The following RNFT2 variants were observed in gnomAD, a reference collection of about 807,000 sequenced individuals.
RNFT2 encodes E3 ubiquitin-protein ligase RNFT2.
Under a neutral mutation model 53.0 loss-of-function variants are expected in RNFT2, and 36 were observed. The observed-to-expected ratio is 0.68, with a 90% confidence interval of 0.52 to 0.90. The LOEUF is 0.90. Ranked by LOEUF, RNFT2 falls within the 40% of genes least tolerant of loss-of-function variation. The pLI, the probability that RNFT2 is intolerant of heterozygous loss-of-function variation, is 0.00. For synonymous variants in RNFT2, 260 were observed against 253.2 expected, an observed-to-expected ratio of 1.03 and a Z score of -0.26; for missense variants, 514 against 585.6, an observed-to-expected ratio of 0.88 and a Z score of 1.26.
At chr12:116,768,099 CTTTTTTTT>C (rs528793630) in intron 6 of RNFT2, among the ~76,000 whole-genome samples, 1 of 131,976 alleles carries the variant, frequency 7.6e-6, no homozygotes, top group Non-Finnish European at 1.6e-5. Context: ...ACAGTTTGGC[CTTTTTTTT>C]TTTTTTTTGG....
At chr12:116,793,150 C>A (rs1219968129) in intron 7 of RNFT2, among the ~76,000 whole-genome samples, 16 of 150,482 alleles carry the variant, frequency 1.1e-4, no homozygotes, top group Admixed American at 1.0e-3. Flanking sequence ...ACCTCAGCCC[C>A]AAAACCATCA....
intron 7 of RNFT2, among the ~76,000 whole-genome samples, chr12:116,806,745 CAA>C (rs59532955): frequency 5.4e-4 from 48 of 89,626 alleles, no homozygotes; most frequent in Middle Eastern, 7.5e-3. Flanking sequence ...GACCCTCTCT[CAA>C]AAAAAAAAAA....
At chr12:116,817,159 C>T (rs10850721) in intron 7 of RNFT2, among the ~76,000 whole-genome samples, 109,102 of 152,042 alleles carry the variant, frequency 0.72, 41,829 homozygotes, top group Non-Finnish European at 0.86. Flanking sequence ...TCTACAGGCA[C>T]GCACTACCAT....
At chr12:116,827,940 G>A (rs993922858) in intron 7 of RNFT2, among the ~76,000 whole-genome samples, 6 of 152,164 alleles carry the variant, frequency 3.9e-5, no homozygotes. Flanking sequence ...CTGTGCTCTT[G>A]ACCACCAAGC....
At position 116,852,282 on chromosome 12, in the gene RNFT2, A is replaced by G. The variant is rs561512450; in HGVS notation, c.*2834A>G. 7.1e-6 allele frequency: 9 copies of G among 1,260,866 alleles called. No homozygotes were observed. In the South Asian group the frequency reaches 1.8e-4, roughly 25 times the overall value. The allele number at this position is 1,260,866 out of a possible 1,614,324, so 78.1% of individuals were successfully genotyped here. A position where few individuals can be genotyped will look rare whatever the true frequency, so the allele number is the denominator to read the frequency against. ...CCCAGGAGAAATGGAGGAGCTTTGT[A>G]GCCACCTCGCTGTCAGCCAGTATTA... is the stretch of plus-strand genomic sequence containing the variant. On this transcript the variant is annotated 3_prime_UTR_variant, in exon 11 of 11. Transcript: ENST00000257575.
At position 116,806,397 on chromosome 12, in the gene RNFT2, T is replaced by TAGATAGATAGATAG. The variant is rs61274161; in HGVS notation, c.882+27050_882+27051insGATAGATAGATAGA. Among the ~76,000 whole-genome samples, 691 of 131,640 alleles carry TAGATAGATAGATAG rather than the reference T, an allele frequency of 5.2e-3. 7 individuals carry two copies. The highest frequency in any genetic ancestry group is 0.02 in the East Asian group (90 of 4,536). 86.4% of individuals were successfully genotyped at this position (131,640 alleles called of 152,430 possible). On this transcript the variant is annotated intron_variant, in intron 7 of 10. Transcript: ENST00000257575. ...AAAAAAAAAAATATATATATATATA[T>TAGATAGATAGATAG]ATAGATAGATAGATAGATAGATAGA... is the stretch of plus-strand genomic sequence containing the variant.
chr12:116,835,042 G>A (rs1592987316), intron 8 of RNFT2, among the ~76,000 whole-genome samples: 1 of 152,074 alleles, frequency 6.6e-6, no homozygotes, highest in Middle Eastern at 3.4e-3. Context: ...TAGAGATGGT[G>A]TTTTACCATG....
At chr12:116,743,365 C>T (rs1406327748) in intron 3 of RNFT2, among the ~76,000 whole-genome samples, 3 of 151,396 alleles carry the variant, frequency 2.0e-5, no homozygotes, top group African/African-American at 7.3e-5. Flanking sequence ...CTCCTGGGTT[C>T]AAGCTACTCT....
intron 7 of RNFT2, among the ~76,000 whole-genome samples, chr12:116,797,625 G>C (rs772828681): frequency 1.3e-5 from 2 of 151,870 alleles, no homozygotes; most frequent in East Asian, 1.9e-4. Context: ...AGACTGTGAG[G>C]GTTCTTGGCT....
At chr12:116,841,022 TATA>T (rs1877222014) in intron 10 of RNFT2, among the ~76,000 whole-genome samples, 1 of 152,184 alleles carries the variant, frequency 6.6e-6, no homozygotes, top group Admixed American at 6.5e-5. Flanking sequence ...CCAGATTCCC[TATA>T]ATGAGTAAGG....
At chr12:116,738,874 A>G (rs548358666) in intron 1 of RNFT2, among the ~76,000 whole-genome samples, 3 of 152,310 alleles carry the variant, frequency 2.0e-5, no homozygotes, top group South Asian at 4.1e-4. Context: ...AGGATTTGCA[A>G]TGTGGGATAA....
intron 7 of RNFT2, among the ~76,000 whole-genome samples, chr12:116,815,364 T>G (rs1875598274): frequency 6.6e-6 from 1 of 152,234 alleles, no homozygotes; most frequent in African/African-American, 2.4e-5. Context: ...ATCTTACAGT[T>G]CTGGAGGTCA....
chr12:116,833,771 A>T (rs1407065429), intron 7 of RNFT2, 21 bp from the exon 8 acceptor site: 1 of 1,611,096 alleles, frequency 6.2e-7, no homozygotes, highest in South Asian at 1.1e-5. Context: ...ATAATAATTG[A>T]TGTTCTCTGT....
intron 7 of RNFT2, among the ~76,000 whole-genome samples, chr12:116,788,523 G>A (rs1311349620): frequency 1.3e-5 from 2 of 152,046 alleles, no homozygotes; most frequent in African/African-American, 4.8e-5. Context: ...GTGCTCCCAC[G>A]AGGACTCCTA....
rs142350220 is a variant in RNFT2, at chr12:116,822,905, G to A, written c.883-10887G>A. 1.4e-4 allele frequency among the ~76,000 whole-genome samples: 22 copies of A among 152,322 alleles called. No individual in the cohort carries two copies. In the East Asian group the frequency reaches 4.0e-3, roughly 28 times the overall value. On this transcript the variant is annotated intron_variant, in intron 7 of 10. Coordinates refer to ENST00000257575, the MANE Select transcript of RNFT2 (RefSeq NM_001382266.1). Reference sequence around the variant, plus strand: ...CCAGCTACTTGGGAGGCTGAGGCACGAGAATCACTTGAACCCAGGAGGCAG... The same window carrying A: ...CCAGCTACTTGGGAGGCTGAGGCACAAGAATCACTTGAACCCAGGAGGCAG...
chr12:116,787,107 C>T (rs1423958995), intron 7 of RNFT2, among the ~76,000 whole-genome samples: 1 of 152,162 alleles, frequency 6.6e-6, no homozygotes, highest in African/African-American at 2.4e-5. Context: ...TCCTGGTATC[C>T]TTGAGTGGCC....
intron 10 of RNFT2, among the ~76,000 whole-genome samples, chr12:116,848,554 C>G (rs1293498656): frequency 6.6e-6 from 1 of 152,138 alleles, no homozygotes; most frequent in African/African-American, 2.4e-5. Context: ...GTGACCTCAT[C>G]TCCCTCTCCC....
intron 5 of RNFT2, chr12:116,755,825 C>T (rs905855115): frequency 8.3e-6 from 13 of 1,571,392 alleles, no homozygotes; most frequent in African/African-American, 4.0e-5. Flanking sequence ...TCTAAAAGGC[C>T]TAGAGAACAT....
intron 2 of RNFT2, 68 bp downstream of exon 2, chr12:116,740,589 T>C: frequency 6.7e-7 from 1 of 1,486,878 alleles, no homozygotes; most frequent in Middle Eastern, 1.7e-4. Context: ...TGGAAGGAAG[T>C]TTTGGTTTGA....
Sources: gnomAD v4.1 joint callset for allele counts (sites outside exome capture counted in the v4.1 genomes callset) on GRCh38, gnomAD v4.1.1 for gene constraint, MANE v1.5 for transcripts, NCBI Gene and HGNC (gene_info 2026-07-23, HGNC 2026-07-21) for gene names.